The following POLQ variants were observed in gnomAD, a reference collection of about 807,000 sequenced individuals.
POLQ encodes the protein epididymis secretory sperm binding protein.
In POLQ, 233 loss-of-function variants were observed where a neutral mutation model predicts 259.2. The observed-to-expected ratio is 0.90, with a 90% CI of 0.81 to 1.00. The LOEUF (loss-of-function observed/expected upper bound fraction) is 1.00, where lower values mean the gene tolerates loss of function less well. POLQ is among the 50% of genes least tolerant of loss of function. POLQ has a pLI of 0.00. For missense variants in POLQ, 2,871 were observed against 3,051.6 expected (o/e 0.94, Z 1.39); for synonymous variants, 1,025 against 1,048.8 (o/e 0.98, Z 0.44).
intron 19 of POLQ, among the ~76,000 whole-genome samples, chr3:121,477,066 TC>T (rs1225808195): frequency 5.3e-5 from 8 of 152,156 alleles, no homozygotes; most frequent in African/African-American, 1.9e-4. Context: ...TATTTTGAAA[TC>T]CAAAATGCTC....
chr3:121,435,051 C>T (rs2047531711), intron 28 of POLQ, among the ~76,000 whole-genome samples: 1 of 152,140 alleles, frequency 6.6e-6, no homozygotes, highest in African/African-American at 2.4e-5. Flanking sequence ...GTAATCCCAG[C>T]TACTCAGGAA....
chr3:121,477,761 C>T (rs901478400), intron 19 of POLQ, among the ~76,000 whole-genome samples: 6 of 152,100 alleles, frequency 3.9e-5, no homozygotes, highest in Admixed American at 1.3e-4. Context: ...ATCTAAGCAA[C>T]CCTGGCCCAC....
intron 12 of POLQ, among the ~76,000 whole-genome samples, chr3:121,501,978 A>T (rs2048174027): frequency 6.7e-6 from 1 of 148,846 alleles, no homozygotes; most frequent in Non-Finnish European, 1.5e-5. Flanking sequence ...CAACAGAATG[A>T]GACTCTGTCT....
chr3:121,492,594 T>C (rs1560098846), intron 15 of POLQ, among the ~76,000 whole-genome samples: 1 of 151,950 alleles, frequency 6.6e-6, no homozygotes, highest in South Asian at 2.1e-4. Flanking sequence ...AAAATCAAAA[T>C]TTAGCAAAGC....
rs778546349 is a variant in POLQ, at chr3:121,490,254, C to T, written c.2677G>A (p.Glu893Lys). 9 of 1,614,070 alleles carry T rather than the reference C, an allele frequency of 5.6e-6. No homozygotes were observed. The highest frequency in any genetic ancestry group is 6.8e-6 in the Non-Finnish European group (8 of 1,180,018). Reference sequence around the variant, plus strand: ...CATGGATTCCATTGCACTCCCATTTCAACTAAGTCCTGCTGCAGAATCATT... The same window carrying T: ...CATGGATTCCATTGCACTCCCATTTTAACTAAGTCCTGCTGCAGAATCATT... ...ARMILQQDLV[E>K]MGVQWNPCAL... The change falls in exon 16 of 30, where the codon GAA (glutamate) becomes AAA (lysine). Residue 893 changes from glutamate to lysine, a missense_variant. This residue lies in a region of POLQ where 2,080 missense variants were observed against 2,126.0 expected (regional missense o/e 0.98). Transcript: ENST00000264233.
intron 2 of POLQ, 28 bp from the exon 3 acceptor site, chr3:121,541,507 T>A (rs1324511352): frequency 1.3e-6 from 2 of 1,570,926 alleles, no homozygotes; most frequent in Admixed American, 3.9e-5. Flanking sequence ...CACAAGATTA[T>A]AAGAAAAAAG....
At position 121,531,567 on chromosome 3, in the gene POLQ, C is replaced by T. The variant is rs558598083; in HGVS notation, c.960+1423G>A. ...TTATTCTAAATGAAACAGAAAGCCA[C>T]TGCAAGTTTCTGAGAAGAAGGGTAA... On this transcript the variant is annotated intron_variant, in intron 6 of 29. Transcript: ENST00000264233. Among the ~76,000 whole-genome samples, 12 of 152,268 alleles carry T rather than the reference C, an allele frequency of 7.9e-5. No individual in the cohort carries two copies. In the South Asian group the frequency reaches 2.3e-3, roughly 29 times the overall value.
chr3:121,483,603 A>G (rs966044164), intron 17 of POLQ, 21 bp from the exon 18 acceptor site: 6 of 1,417,600 alleles, frequency 4.2e-6, no homozygotes, highest in African/African-American at 1.5e-5. Flanking sequence ...AAAAAAAAAA[A>G]GGAAAAAACA....
At chr3:121,460,297 T>C in intron 24 of POLQ, 63 bp from the exon 25 acceptor site, 2 of 1,235,082 alleles carry the variant, frequency 1.6e-6, no homozygotes, top group South Asian at 2.6e-5. Context: ...ATCCAAGTTC[T>C]ATATCATATA....
chr3:121,453,209 G>A (rs902051084), intron 25 of POLQ, among the ~76,000 whole-genome samples: 8 of 151,412 alleles, frequency 5.3e-5, no homozygotes, highest in Admixed American at 1.3e-4. Context: ...CTAACAAACA[G>A]AAAGGACATC....
In POLQ at chr3:121,449,309, A is replaced by T; in HGVS notation, c.7264+6T>A. On this transcript the variant is annotated splice_donor_region_variant and intron_variant, in intron 26 of 29. Transcript: ENST00000264233. ...TGAAAAGAATACTATCTAGAAGATA[A>T]ATTACCTGTGTATCTGGATTTGAAG... The T allele has an allele frequency of 7.6e-7, 1 of 1,324,270 alleles. No individual in the cohort carries two copies. 82.0% of individuals were successfully genotyped at this position (1,324,270 alleles called of 1,614,324 possible).
At chr3:121,498,358 T>C (rs2048140763) in intron 13 of POLQ, 119 bp downstream of exon 13, 1 of 653,758 alleles carries the variant, frequency 1.5e-6, no homozygotes. Flanking sequence ...CTGAAAAATC[T>C]TATACTCTGC....
intron 7 of POLQ, among the ~76,000 whole-genome samples, chr3:121,527,587 C>T (rs985107052): frequency 5.3e-5 from 8 of 152,200 alleles, no homozygotes; most frequent in Non-Finnish European, 1.0e-4. Flanking sequence ...TGCAAAGCTG[C>T]AGCAATAGCT....
rs777614615 is a variant in POLQ at position 121,460,166 on chromosome 3, G to C, written c.7036C>G (p.Arg2346Gly). 5.6e-6 allele frequency: 9 copies of C among 1,612,938 alleles called. No individual in the cohort carries two copies. The highest frequency in any genetic ancestry group is 7.6e-6 in the Non-Finnish European group (9 of 1,179,058). ...GTGTTTAACACTTGAATGAGACGAC[G>C]ATCATGGGATAAATGAGCCAAGATC... Reference protein sequence around the residue: ...LRILAHLSHDRRLIQVLNTGA... With the variant: ...LRILAHLSHDGRLIQVLNTGA... Residue 2346 changes from arginine (R) to glycine (G), a missense_variant, in exon 25 of 30, where the codon CGT becomes GGT. Around this residue, in one of 3 missense-constraint regions of POLQ, gnomAD observed 2,080 missense variants for 2,126.0 expected, o/e 0.98. Coordinates refer to ENST00000264233, the MANE Select transcript of POLQ (RefSeq NM_199420.4).
rs1476708110 is a variant in POLQ, at chr3:121,460,243, G to A, written c.6968-9C>T. 3 of 1,600,548 alleles carry A rather than the reference G, an allele frequency of 1.9e-6. No individual in the cohort carries two copies. In the African/African-American group the frequency reaches 4.0e-5, roughly 21 times the overall value. On this transcript the variant is annotated splice_polypyrimidine_tract_variant and intron_variant, in intron 24 of 29. Coordinates refer to ENST00000264233, the MANE Select transcript of POLQ (RefSeq NM_199420.4). ...AGCCAGTATTGAACCACCTGAAGTA[G>A]AAGTGATTTCAGAAAAGCTAGTACA...
At chr3:121,457,531 C>T (rs533329009) in intron 25 of POLQ, among the ~76,000 whole-genome samples, 2,673 of 152,030 alleles carry the variant, frequency 0.018, 70 homozygotes, top group African/African-American at 0.06. Flanking sequence ...CTCAAACAAA[C>T]TTACAAGAAA....
At chr3:121,452,845 C>G (rs2047691173) in intron 25 of POLQ, among the ~76,000 whole-genome samples, 1 of 152,180 alleles carries the variant, frequency 6.6e-6, no homozygotes, top group Non-Finnish European at 1.5e-5. Context: ...GTAACCTCTG[C>G]AGACTTAAAT....
chr3:121,485,410 A>G (rs2048003628), intron 16 of POLQ, among the ~76,000 whole-genome samples: 1 of 152,206 alleles, frequency 6.6e-6, no homozygotes, highest in African/African-American at 2.4e-5. Context: ...GTTAAAATAA[A>G]TCTATAATGA....
chr3:121,440,589 G>A (rs1225231), intron 26 of POLQ, among the ~76,000 whole-genome samples: 14 of 152,128 alleles, frequency 9.2e-5, no homozygotes, highest in African/African-American at 2.9e-4. Context: ...GCCCACCTCC[G>A]CCTCCCAAAG....
Sources: allele counts gnomAD v4.1 joint callset (sites outside exome capture counted in the v4.1 genomes callset), GRCh38; gene constraint gnomAD v4.1.1; regional missense constraint gnomAD v4.1.1; transcripts MANE v1.5; gene names NCBI Gene and HGNC (gene_info 2026-07-23, HGNC 2026-07-21).